SGCZ: variants seen among roughly 807,000 people sequenced by gnomAD.
SGCZ encodes the protein zeta-sarcoglycan.
In SGCZ, 40 loss-of-function variants were observed where a neutral mutation model predicts 41.3. The ratio of observed to expected loss-of-function variants is 0.97; its 90% confidence interval spans 0.75 to 1.26. The LOEUF is 1.26. Among genes scored for constraint, SGCZ ranks in the 50% most tolerant of loss-of-function variants. The pLI, the probability that SGCZ is intolerant of heterozygous loss-of-function variation, is 0.00. For synonymous variants in SGCZ, 206 were observed against 137.5 expected (o/e 1.50, Z -3.49); for missense variants, 552 against 369.8 (o/e 1.49, Z -4.04).
chr8:14,851,378 A>AG (rs1380045685), intron 1 of SGCZ, among the ~76,000 whole-genome samples: 1 of 141,084 alleles, frequency 7.1e-6, no homozygotes, highest in Non-Finnish European at 1.6e-5. Context: ...CAAAAAAAAA[A>AG]AAAAAAAAAA....
chr8:14,862,741 G>T (rs1803799002), intron 1 of SGCZ, among the ~76,000 whole-genome samples: 1 of 151,614 alleles, frequency 6.6e-6, no homozygotes, highest in Non-Finnish European at 1.5e-5. Context: ...GTTCAAAGAG[G>T]CCTTTCTCAC....
intron 3 of SGCZ, among the ~76,000 whole-genome samples, chr8:14,270,535 A>G (rs1272076009): frequency 6.6e-6 from 1 of 152,148 alleles, no homozygotes; most frequent in Non-Finnish European, 1.5e-5. Flanking sequence ...GTATAAAACA[A>G]TATTTCCAAT....
intron 1 of SGCZ, among the ~76,000 whole-genome samples, chr8:14,684,524 T>G (rs189336802): frequency 6.6e-6 from 1 of 152,258 alleles, no homozygotes; most frequent in Non-Finnish European, 1.5e-5. Context: ...GGAGTTTTGC[T>G]AACTAATTTT....
chr8:14,703,307 C>T (rs960468658), intron 1 of SGCZ, among the ~76,000 whole-genome samples: 20 of 151,950 alleles, frequency 1.3e-4, no homozygotes, highest in Non-Finnish European at 2.2e-4. Flanking sequence ...CCTGTTGCTT[C>T]CTGTAAATCC....
intron 1 of SGCZ, among the ~76,000 whole-genome samples, chr8:15,057,811 G>C (rs1460295199): frequency 6.6e-6 from 1 of 152,052 alleles, no homozygotes; most frequent in Non-Finnish European, 1.5e-5. Flanking sequence ...GTCCTTTCCA[G>C]CCCTAAAACG....
At chr8:14,315,733 A>G (rs1801693130) in intron 3 of SGCZ, among the ~76,000 whole-genome samples, 1 of 152,068 alleles carries the variant, frequency 6.6e-6, no homozygotes. Flanking sequence ...ATTCAATTCA[A>G]TAAATCAGAA....
At chr8:15,121,548 T>C (rs889986308) in intron 1 of SGCZ, among the ~76,000 whole-genome samples, 1 of 152,160 alleles carries the variant, frequency 6.6e-6, no homozygotes, top group Non-Finnish European at 1.5e-5. Flanking sequence ...GTTGTTGAAG[T>C]AAGACATAAG....
intron 2 of SGCZ, among the ~76,000 whole-genome samples, chr8:14,342,408 C>T (rs1490259014): frequency 6.6e-6 from 1 of 152,124 alleles, no homozygotes; most frequent in Non-Finnish European, 1.5e-5. Context: ...GCTCTGCCTC[C>T]CGGGTTCATG....
intron 2 of SGCZ, among the ~76,000 whole-genome samples, chr8:14,439,837 T>C (rs1042190359): frequency 6.6e-6 from 1 of 152,046 alleles, no homozygotes; most frequent in African/African-American, 2.4e-5. Flanking sequence ...GAAACACTGC[T>C]TTCTCATCTT....
At chr8:14,404,453 A>C (rs1034340244) in intron 2 of SGCZ, among the ~76,000 whole-genome samples, 3 of 152,202 alleles carry the variant, frequency 2.0e-5, no homozygotes, top group Non-Finnish European at 4.4e-5. Context: ...AAGAGAATTC[A>C]GATAATCTTT....
chr8:14,597,353 G>A (rs1189044117), intron 1 of SGCZ, among the ~76,000 whole-genome samples: 4 of 152,268 alleles, frequency 2.6e-5, no homozygotes, highest in South Asian at 2.1e-4. Flanking sequence ...AAGTACTTAG[G>A]TAGCATTCAG....
chr8:14,651,367 G>A (rs554548055), intron 1 of SGCZ, among the ~76,000 whole-genome samples: 3 of 152,136 alleles, frequency 2.0e-5, no homozygotes, highest in African/African-American at 7.2e-5. Flanking sequence ...GGCAGAGCAG[G>A]AATTGAATAT....
At chr8:14,141,431 T>C (rs1803365974) in intron 5 of SGCZ, among the ~76,000 whole-genome samples, 2 of 152,202 alleles carry the variant, frequency 1.3e-5, no homozygotes, top group Admixed American at 1.3e-4. Flanking sequence ...GACAAAGGAC[T>C]ACTATCCAGA....
At chr8:14,313,189 T>G (rs1394671928) in intron 3 of SGCZ, among the ~76,000 whole-genome samples, 1 of 152,228 alleles carries the variant, frequency 6.6e-6, no homozygotes, top group Admixed American at 6.6e-5. Flanking sequence ...GTTGAGAATG[T>G]GACCCAGGCC....
intron 7 of SGCZ, among the ~76,000 whole-genome samples, chr8:14,098,691 A>C (rs1801920224): frequency 6.6e-6 from 1 of 152,166 alleles, no homozygotes; most frequent in Non-Finnish European, 1.5e-5. Flanking sequence ...TTGGATAACA[A>C]ACCTTGAGAC....
chr8:15,079,324 T>C (rs902497225), intron 1 of SGCZ, among the ~76,000 whole-genome samples: 35 of 152,204 alleles, frequency 2.3e-4, no homozygotes, highest in African/African-American at 7.2e-4. Flanking sequence ...CTATCTGTTG[T>C]CTTTATATCT....
At chr8:15,132,006 C>A (rs1254086491) in intron 1 of SGCZ, among the ~76,000 whole-genome samples, 1 of 152,144 alleles carries the variant, frequency 6.6e-6, no homozygotes, top group East Asian at 1.9e-4. Context: ...CACCTTCCAG[C>A]CATTTTCTAG....
chr8:14,497,333 A>G (rs1380978605), intron 2 of SGCZ, among the ~76,000 whole-genome samples: 1 of 152,164 alleles, frequency 6.6e-6, no homozygotes, highest in East Asian at 1.9e-4. Context: ...AGGGAGCAAG[A>G]GAAAGAAGGG....
chr8:14,670,315 C>A (rs1273882987), intron 1 of SGCZ, among the ~76,000 whole-genome samples: 2 of 34,464 alleles, frequency 5.8e-5, no homozygotes, highest in Admixed American at 8.7e-4. Context: ...TTTACTATTC[C>A]CCCCCAAATC....
Sources: gnomAD v4.1 joint callset for allele counts (sites outside exome capture counted in the v4.1 genomes callset) on GRCh38, gnomAD v4.1.1 for gene constraint, MANE v1.5 for transcripts, NCBI Gene and HGNC (gene_info 2026-07-23, HGNC 2026-07-21) for gene names.